The following CDK5RAP3 variants were observed in gnomAD, a reference collection of about 807,000 sequenced individuals.
CDK5RAP3 encodes CDK5 regulatory subunit associated protein 3, also known as CDK5 regulatory subunit-associated protein 3.
CDK5RAP3 carries 58 observed loss-of-function variants against 73.3 expected under a neutral mutation model. The observed-to-expected ratio is 0.79, with a 90% confidence interval of 0.64 to 0.98. The LOEUF (loss-of-function observed/expected upper bound fraction) is 0.98, where lower values mean the gene tolerates loss of function less well. Ranked by LOEUF, CDK5RAP3 falls within the 50% of genes least tolerant of loss-of-function variation. CDK5RAP3 has a pLI of 0.00. For synonymous variants in CDK5RAP3, 224 were observed against 247.5 expected (o/e 0.91, Z 0.89); for missense variants, 525 against 615.8 (o/e 0.85, Z 1.56).
upstream of CDK5RAP3, among the ~76,000 whole-genome samples, chr17:47,969,817 T>C (rs2036228200): frequency 2.0e-5 from 3 of 151,836 alleles, no homozygotes; most frequent in Admixed American, 6.6e-5. Flanking sequence ...CATCTGGGGG[T>C]CTCCCAGCAT....
At chr17:47,979,041 G>A in intron 11 of CDK5RAP3, 124 bp downstream of exon 11, 1 of 725,570 alleles carries the variant, frequency 1.4e-6, no homozygotes, top group Non-Finnish European at 2.5e-6. Flanking sequence ...GTGTCCTACA[G>A]CAGGAGCCTC....
chr17:47,973,574 G>C lies in CDK5RAP3; in HGVS notation c.108G>C (p.Thr36=). 6.2e-7 allele frequency: 1 copy of C among 1,614,180 alleles called. No homozygotes were observed. The highest frequency in any genetic ancestry group is 2.2e-5 in the East Asian group (1 of 44,888). Residue 36 remains threonine, a synonymous_variant, in exon 3 of 14, where the codon ACG becomes ACC. Transcript: ENST00000338399. Reference sequence around the variant, plus strand: ...TGAAATGGCAGAGTCTGGTGCTGACGATCCGCGAGAAGATCAATGCTGCCA... The same window carrying C: ...TGAAATGGCAGAGTCTGGTGCTGACCATCCGCGAGAAGATCAATGCTGCCA... ...CSLKWQSLVL[T]IREKINAAIQ...
At chr17:47,972,447 G>C (rs1480077345) in intron 2 of CDK5RAP3, among the ~76,000 whole-genome samples, 2 of 152,306 alleles carry the variant, frequency 1.3e-5, no homozygotes, top group South Asian at 2.1e-4. Flanking sequence ...GAGTATAACT[G>C]ATACTAGTGT....
At chr17:47,974,822 G>A in intron 5 of CDK5RAP3, 1 of 1,283,006 alleles carries the variant, frequency 7.8e-7, no homozygotes, top group Non-Finnish European at 1.0e-6. Flanking sequence ...AAGTGCCTGA[G>A]AGCAACTACA....
At chr17:47,972,950 C>T (rs1469323014) in intron 2 of CDK5RAP3, among the ~76,000 whole-genome samples, 1 of 152,196 alleles carries the variant, frequency 6.6e-6, no homozygotes, top group Non-Finnish European at 1.5e-5. Context: ...TCTGAAGCCA[C>T]AAATCTGGGC....
chr17:47,976,872 A>G (rs762425834), intron 9 of CDK5RAP3, 50 bp downstream of exon 9: 147 of 1,198,834 alleles, frequency 1.2e-4, no homozygotes, highest in Middle Eastern at 2.0e-4. Flanking sequence ...CTCTAACCAT[A>G]AGAAAAGTGT....
At chr17:47,975,078 C>T (rs1850850474) in intron 5 of CDK5RAP3, 81 bp from the exon 6 acceptor site, 3 of 1,612,544 alleles carry the variant, frequency 1.9e-6, no homozygotes, top group African/African-American at 2.7e-5. Context: ...TCTTCACCAC[C>T]ACAAAGGATG....
intron 5 of CDK5RAP3, chr17:47,974,851 T>C: frequency 1.6e-6 from 2 of 1,263,544 alleles, no homozygotes; most frequent in African/African-American, 3.1e-5. Context: ...TGTGTTTGGG[T>C]TGGGTGTAGT....
Position 47,976,721 on chromosome 17 carries a change from G to C in CDK5RAP3, c.808G>C (p.Gly270Arg), listed in dbSNP as rs375342860. 1.2e-6 allele frequency: 2 copies of C among 1,610,628 alleles called. No individual in the cohort carries two copies. The highest frequency in any genetic ancestry group is 1.7e-6 in the Non-Finnish European group (2 of 1,177,708). The change falls in exon 9 of 14, where the codon GGC (glycine) becomes CGC (arginine). Residue 270 changes from glycine to arginine, a missense_variant. Physicochemically the swap from Gly to Arg is moderately radical, Grantham distance 125. Around this residue, in one of 2 missense-constraint regions of CDK5RAP3, gnomAD observed 409 missense variants for 429.8 expected, o/e 0.95. Transcript: ENST00000338399. ...EQVAEDAIDW[G>R]DFGVEAVSEG... is the part of the protein sequence containing the mutation. ...CTCTTTCCCTTTCCAGATTGACTGG[G>C]GCGACTTTGGGGTAGAGGCAGTGTC...
upstream of CDK5RAP3, chr17:47,970,943 C>T (rs900829498): frequency 4.1e-6 from 6 of 1,453,228 alleles, no homozygotes; most frequent in Non-Finnish European, 5.4e-6. Flanking sequence ...TCCCGCCCCT[C>T]CCGAGCTCAG....
Position 47,981,296 on chromosome 17 carries a change from G to C in CDK5RAP3, c.1417G>C (p.Asp473His). The change falls in exon 13 of 14, where the codon GAC (aspartate) becomes CAC (histidine). Residue 473 changes from aspartate (D) to histidine (H), a missense_variant. Physicochemically the swap from Asp to His is moderately conservative, Grantham distance 81. Coordinates refer to ENST00000338399, the MANE Select transcript of CDK5RAP3 (RefSeq NM_176096.3). ...EEQAALEPKL[D>H]LLLEKTKELQ... ...GCAGGCGGCTCTGGAGCCTAAGCTGGACCTGCTACTGGAGAAGACCAAGGA... is the reference window on the plus strand; with the variant it reads ...GCAGGCGGCTCTGGAGCCTAAGCTGCACCTGCTACTGGAGAAGACCAAGGA... The C allele has an allele frequency of 1.2e-6, 2 of 1,614,220 alleles. No individual in the cohort carries two copies. Among genetic ancestry groups the C allele is most frequent in the Non-Finnish European group, 8.5e-7 (1 of 1,180,028 alleles).
At chr17:47,971,224 G>A (rs1034942148) in intron 1 of CDK5RAP3, 72 bp downstream of exon 1, 5 of 1,531,308 alleles carry the variant, frequency 3.3e-6, no homozygotes, top group Non-Finnish European at 4.4e-6. Context: ...GTCTCCCTCC[G>A]GAAGCGGCTC....
chr17:47,976,871 T>A, intron 9 of CDK5RAP3, 49 bp downstream of exon 9: 1 of 1,210,556 alleles, frequency 8.3e-7, no homozygotes, highest in Non-Finnish European at 1.2e-6. Flanking sequence ...ACTCTAACCA[T>A]AAGAAAAGTG....
Position 47,971,361 on chromosome 17 carries a change from G to A in CDK5RAP3, c.7-1G>A, listed in dbSNP as rs1481728581. 6.2e-7 allele frequency: 1 copy of A among 1,610,650 alleles called. No individual in the cohort carries two copies. Among genetic ancestry groups the A allele is most frequent in the South Asian group, 1.1e-5 (1 of 90,180 alleles). On this transcript the variant is annotated splice_acceptor_variant, in intron 1 of 13. Transcript: ENST00000338399. LOFTEE classifies it high-confidence loss of function. Reference sequence around the variant, plus strand: ...CCCCTCCTCACCGTGTTTCCCGCCAGGACCATCAGCACGTGCCCATCGACA... The same window carrying A: ...CCCCTCCTCACCGTGTTTCCCGCCAAGACCATCAGCACGTGCCCATCGACA...
Position 47,977,867 on chromosome 17 carries a change from T to C in CDK5RAP3, c.945T>C (p.Asp315=), listed in dbSNP as rs921382599. The change falls in exon 10 of 14, where the codon GAT becomes GAC. Residue 315 remains aspartate (D), a synonymous_variant. Coordinates refer to ENST00000338399, the MANE Select transcript of CDK5RAP3 (RefSeq NM_176096.3). ...PGGDGIDWGD[D]AVALQITVLE... is the part of the protein sequence containing the mutation. ...GTGATGGGATAGACTGGGGAGACGA[T>C]GCTGTTGCTTTGCAGATCACAGTGC... 3 of 1,613,974 alleles carry C rather than the reference T, an allele frequency of 1.9e-6. No individual in the cohort carries two copies. Among genetic ancestry groups the C allele is most frequent in the African/African-American group, 1.3e-5 (1 of 74,922 alleles).
rs1441626645 is a variant in CDK5RAP3 at position 47,975,543 on chromosome 17, C to A, written c.543C>A (p.Ala181=). The A allele has an allele frequency of 1.2e-6, 2 of 1,611,300 alleles. No homozygotes were observed. The highest frequency in any genetic ancestry group is 2.7e-5 in the African/African-American group (2 of 74,926). Residue 181 remains alanine, a synonymous_variant, in exon 7 of 14, where the codon GCC becomes GCA. Coordinates refer to ENST00000338399, the MANE Select transcript of CDK5RAP3 (RefSeq NM_176096.3). ...TGENVRGELL[A]LVKDLPSQLA... is the part of the protein sequence containing the mutation. ...AAAATGTCCGAGGAGAACTGCTGGC[C>A]CTGGTGAAGGACCTGCCGAGTCAGC...
chr17:47,978,122 T>G (rs2036462540), intron 10 of CDK5RAP3: 1 of 442,802 alleles, frequency 2.3e-6, no homozygotes, highest in African/African-American at 2.2e-5. Flanking sequence ...CAGGCTGGAG[T>G]GCAATGGCAT....
At position 47,980,504 on chromosome 17, in the gene CDK5RAP3, C is replaced by T. The variant is rs537490668; in HGVS notation, c.1078-89C>T. On this transcript the variant is annotated intron_variant, in intron 11 of 13. Coordinates refer to ENST00000338399, the MANE Select transcript of CDK5RAP3 (RefSeq NM_176096.3). Reference sequence around the variant, plus strand: ...CTGGTCTTGAACTCCTGGCCTCAAGCGATCCTCCTGCCTTGGCCTCCCACA... The same window carrying T: ...CTGGTCTTGAACTCCTGGCCTCAAGTGATCCTCCTGCCTTGGCCTCCCACA... 4.2e-5 allele frequency: 50 copies of T among 1,181,770 alleles called. No homozygotes were observed. In the East Asian group the frequency reaches 5.2e-4, roughly 12 times the overall value. The allele number at this position is 1,181,770 out of a possible 1,614,324, so 73.2% of individuals were successfully genotyped here.
In CDK5RAP3 at chr17:47,978,913, T is replaced by C; in HGVS notation, c.1073T>C (p.Met358Thr). ...CGGAATCAGTTCCTTGATGAGCTCA[T>C]GGAGGTACTGTCATCTCTGGAAGAT... ...ETRNQFLDEL[M>T]ELEIFLAQRA... The change falls in exon 11 of 14, where the codon ATG (methionine) becomes ACG (threonine). Residue 358 changes from methionine to threonine, a missense_variant. Transcript: ENST00000338399. 1 of 1,612,528 alleles carries C rather than the reference T, an allele frequency of 6.2e-7. No homozygotes were observed. The highest frequency in any genetic ancestry group is 2.2e-5 in the East Asian group (1 of 44,858).
Sources: allele counts gnomAD v4.1 joint callset (sites outside exome capture counted in the v4.1 genomes callset), GRCh38; gene constraint gnomAD v4.1.1; regional missense constraint gnomAD v4.1.1; transcripts MANE v1.5; gene names NCBI Gene and HGNC (gene_info 2026-07-23, HGNC 2026-07-21).